The following DAPP1 variants were observed in gnomAD, a reference collection of about 807,000 sequenced individuals.
The protein encoded by DAPP1 is dual adaptor of phosphotyrosine and 3-phosphoinositides 1, also known as dual adapter for phosphotyrosine and 3-phosphotyrosine and 3-phosphoinositide.
A neutral mutation model predicts 41.5 loss-of-function variants in DAPP1; 20 were observed. The ratio of observed to expected loss-of-function variants is 0.48; its 90% CI spans 0.34 to 0.70. The LOEUF (loss-of-function observed/expected upper bound fraction) is 0.70. Ranked by LOEUF, DAPP1 falls within the 30% of genes least tolerant of loss-of-function variation. The probability of loss-of-function intolerance (pLI) is 0.01; values close to 1 mark genes in which losing one functional copy is unlikely to be tolerated. For synonymous variants in DAPP1, 113 were observed against 116.2 expected (o/e 0.97, Z 0.18); for missense variants, 233 against 333.4 (o/e 0.70, Z 2.35).
Position 99,853,223 on chromosome 4 carries a change from C to T in DAPP1, c.364C>T (p.Leu122=). 1.2e-6 allele frequency: 2 copies of T among 1,613,918 alleles called. No individual in the cohort carries two copies. The highest frequency in any genetic ancestry group is 1.7e-6 in the Non-Finnish European group (2 of 1,179,858). The change falls in exon 4 of 9, where the codon CTG becomes TTG. Residue 122 remains leucine, a synonymous_variant. Transcript: ENST00000512369. The stretch of plus-strand genomic sequence containing the variant: ...TATTTTTCATCTTCATTCAGGCACT[C>T]TGATGGTTCTAAAACATCCCTACCC... The part of the protein sequence containing the change: ...QPLIGSETGT[L]MVLKHPYPRK...
At chr4:99,840,445 A>T (rs1723457245) in intron 3 of DAPP1, 23 bp downstream of exon 3, 1 of 1,601,650 alleles carries the variant, frequency 6.2e-7, no homozygotes, top group African/African-American at 1.3e-5. Flanking sequence ...CAGACACTTG[A>T]CTTATGAAAT....
At chr4:99,859,568 T>C (rs1412690344) in intron 4 of DAPP1, among the ~76,000 whole-genome samples, 2 of 152,200 alleles carry the variant, frequency 1.3e-5, no homozygotes, top group African/African-American at 4.8e-5. Context: ...TGTTTTCCCT[T>C]CTCCCACAGT....
chr4:99,862,794 G>T (rs926139249), intron 5 of DAPP1, among the ~76,000 whole-genome samples: 2 of 151,574 alleles, frequency 1.3e-5, no homozygotes, highest in Admixed American at 6.6e-5. Context: ...TGACACAAAA[G>T]AATTTTTTGA....
chr4:99,834,727 A>C (rs1723236854), intron 1 of DAPP1, among the ~76,000 whole-genome samples: 1 of 152,222 alleles, frequency 6.6e-6, no homozygotes, highest in African/African-American at 2.4e-5. Flanking sequence ...ACACTGTATT[A>C]GTTTGCTAGG....
chr4:99,857,347 A>G (rs1357241485), intron 4 of DAPP1, among the ~76,000 whole-genome samples: 1 of 152,204 alleles, frequency 6.6e-6, no homozygotes, highest in Non-Finnish European at 1.5e-5. Context: ...TATTTTGGAC[A>G]TGTTAAATGA....
At position 99,840,283 on chromosome 4, in the gene DAPP1, T is replaced by C. The variant is rs752794502; in HGVS notation, c.225-6T>C. 4.0e-6 allele frequency: 6 copies of C among 1,512,636 alleles called. No homozygotes were observed. The highest frequency in any genetic ancestry group is 5.4e-6 in the Non-Finnish European group (6 of 1,121,050). 93.7% of individuals were successfully genotyped at this position (1,512,636 alleles called of 1,614,324 possible). On this transcript the variant is annotated splice_polypyrimidine_tract_variant and splice_region_variant and intron_variant, in intron 2 of 8. Transcript: ENST00000512369. Reference sequence around the variant, plus strand: ...ATAATATTAAATACTTCTTTTTCCCTTTTAGGGCCAAAGATTCTGTTAAAC... The same window carrying C: ...ATAATATTAAATACTTCTTTTTCCCCTTTAGGGCCAAAGATTCTGTTAAAC...
intron 1 of DAPP1, among the ~76,000 whole-genome samples, chr4:99,830,889 G>A (rs1305407108): frequency 6.6e-6 from 1 of 152,038 alleles, no homozygotes; most frequent in African/African-American, 2.4e-5. Context: ...TATTAATAAG[G>A]TTATCTCTGG....
At position 99,868,272 on chromosome 4, in the gene DAPP1, A is replaced by T. The variant is rs2110172200; in HGVS notation, c.*87A>T. 1 of 1,207,840 alleles carries T rather than the reference A, an allele frequency of 8.3e-7. No individual in the cohort carries two copies. The highest frequency in any genetic ancestry group is 2.4e-5 in the East Asian group (1 of 42,174). The allele number at this position is 1,207,840 out of a possible 1,614,324, so 74.8% of individuals were successfully genotyped here. On this transcript the variant is annotated 3_prime_UTR_variant, in exon 9 of 9. Coordinates refer to ENST00000512369, the MANE Select transcript of DAPP1 (RefSeq NM_014395.3). Reference sequence around the variant, plus strand: ...GATCTGCAGCAGGCTTCAAATGAAAACCGACTAAGGATTTTCTTTCAAAAA... The same window carrying T: ...GATCTGCAGCAGGCTTCAAATGAAATCCGACTAAGGATTTTCTTTCAAAAA...
At chr4:99,851,534 G>GTTTTTTTTTTT (rs537614787) in intron 3 of DAPP1, among the ~76,000 whole-genome samples, 4 of 77,790 alleles carry the variant, frequency 5.1e-5, no homozygotes, top group African/African-American at 1.1e-4. Context: ...GTTTTGTGTA[G>GTTTTTTTTTTT]TTTTTTTTTT....
chr4:99,819,126 A>C (rs1578337810), intron 1 of DAPP1, among the ~76,000 whole-genome samples: 1 of 152,238 alleles, frequency 6.6e-6, no homozygotes, highest in African/African-American at 2.4e-5. Context: ...GTTATTTTAC[A>C]TATCATAAAA....
chr4:99,831,135 T>C (rs1723105811), intron 1 of DAPP1, among the ~76,000 whole-genome samples: 1 of 152,226 alleles, frequency 6.6e-6, no homozygotes. Flanking sequence ...TATGTAAGCA[T>C]ATTTTTGTTG....
chr4:99,857,371 G>A (rs974181918), intron 4 of DAPP1, among the ~76,000 whole-genome samples: 1 of 152,144 alleles, frequency 6.6e-6, no homozygotes, highest in Non-Finnish European at 1.5e-5. Context: ...ATACCAATTA[G>A]TTGTCTTGGT....
At position 99,853,198 on chromosome 4, in the gene DAPP1, T is replaced by C. The variant is rs778276587; in HGVS notation, c.359-20T>C. The C allele has an allele frequency of 2.5e-6, 4 of 1,613,618 alleles. No individual in the cohort carries two copies. The highest frequency in any genetic ancestry group is 1.7e-5 in the Admixed American group (1 of 59,968). On this transcript the variant is annotated intron_variant, in intron 3 of 8. Transcript: ENST00000512369. ...CTTCTGGGAACACTGTTCGATTATA[T>C]ATTTTTCATCTTCATTCAGGCACTC...
At chr4:99,822,275 A>G (rs965444960) in intron 1 of DAPP1, among the ~76,000 whole-genome samples, 1 of 152,164 alleles carries the variant, frequency 6.6e-6, no homozygotes, top group African/African-American at 2.4e-5. Context: ...CTACTGGGTC[A>G]TAGATCTATC....
chr4:99,838,097 G>C (rs1723362925), intron 2 of DAPP1, among the ~76,000 whole-genome samples: 1 of 152,134 alleles, frequency 6.6e-6, no homozygotes, highest in African/African-American at 2.4e-5. Context: ...CTACGTGGCT[G>C]GCAGGGGGAT....
At chr4:99,842,538 G>A (rs186073119) in intron 3 of DAPP1, among the ~76,000 whole-genome samples, 208 of 152,348 alleles carry the variant, frequency 1.4e-3, no homozygotes, top group Non-Finnish European at 2.6e-3. Flanking sequence ...AGCCATCAGG[G>A]CTAGGAACAA....
chr4:99,846,051 C>T (rs1723654542), intron 3 of DAPP1, among the ~76,000 whole-genome samples: 1 of 152,098 alleles, frequency 6.6e-6, no homozygotes, highest in Non-Finnish European at 1.5e-5. Flanking sequence ...GTTAGATTTA[C>T]AGGATGTTAG....
intron 1 of DAPP1, among the ~76,000 whole-genome samples, chr4:99,823,961 A>C (rs970883368): frequency 3.3e-5 from 5 of 152,220 alleles, no homozygotes; most frequent in Admixed American, 3.3e-4. Flanking sequence ...GTATCAAAGA[A>C]ATTTTGAAAA....
At chr4:99,839,377 C>CTATAGATATATA (rs1560695342) in intron 2 of DAPP1, among the ~76,000 whole-genome samples, 5 of 122,066 alleles carry the variant, frequency 4.1e-5, no homozygotes, top group African/African-American at 9.3e-5. Flanking sequence ...ATATAGATAT[C>CTATAGATATATA]TATAGATATA....
Sources: allele counts gnomAD v4.1 joint callset (sites outside exome capture counted in the v4.1 genomes callset), GRCh38; gene constraint gnomAD v4.1.1; transcripts MANE v1.5; gene names NCBI Gene and HGNC (gene_info 2026-07-23, HGNC 2026-07-21).